KCNQ5: variants seen among roughly 807,000 people sequenced by gnomAD.
KCNQ5 encodes the protein potassium voltage-gated channel subfamily Q member 5.
A neutral mutation model predicts 98.2 loss-of-function variants in KCNQ5; 30 were observed. That is an observed-to-expected ratio of 0.31 (90% CI 0.23 to 0.41). KCNQ5 has a LOEUF of 0.41. Among genes scored for constraint, KCNQ5 ranks in the 10% least tolerant of loss-of-function variants. KCNQ5 has a pLI of 1.00. For missense variants in KCNQ5, 835 were observed against 1,182.5 expected (o/e 0.71, Z 4.31); for synonymous variants, 458 against 449.4 (o/e 1.02, Z -0.24).
At chr6:72,997,298 C>CT (rs1439851598) in intron 1 of KCNQ5, among the ~76,000 whole-genome samples, 1 of 152,086 alleles carries the variant, frequency 6.6e-6, no homozygotes, top group Non-Finnish European at 1.5e-5. Context: ...AGGGAAACCT[C>CT]TTGAACTGTT....
intron 1 of KCNQ5, among the ~76,000 whole-genome samples, chr6:72,895,161 C>T (rs1022483800): frequency 1.0e-3 from 155 of 148,504 alleles, no homozygotes; most frequent in Admixed American, 2.1e-3. Flanking sequence ...TGGTGGCGGG[C>T]GCCTGTAGTC....
intron 1 of KCNQ5, among the ~76,000 whole-genome samples, chr6:72,656,468 G>T (rs754913745): frequency 6.6e-5 from 10 of 152,076 alleles, no homozygotes; most frequent in Non-Finnish European, 1.5e-4. Context: ...ACATAGTAAA[G>T]ACAATAATCT....
chr6:72,789,146 C>T (rs1773902303), intron 1 of KCNQ5, among the ~76,000 whole-genome samples: 1 of 150,710 alleles, frequency 6.6e-6, no homozygotes, highest in African/African-American at 2.5e-5. Flanking sequence ...GGTTTTTGTT[C>T]ATGTGTATGT....
rs112322694 is a variant in KCNQ5, at chr6:72,900,519, A to T, written c.399-103389A>T. Among the ~76,000 whole-genome samples, 4 of 148,006 alleles carry T rather than the reference A, an allele frequency of 2.7e-5. 1 individual carries two copies. Among genetic ancestry groups the T allele is most frequent in the Non-Finnish European group, 5.9e-5 (4 of 67,270 alleles). On this transcript the variant is annotated intron_variant, in intron 1 of 13. Transcript: ENST00000370398. ...TACTCCATCATATATATATATATTT[A>T]TATATATACCACAGTTTCTTTATTC...
intron 1 of KCNQ5, among the ~76,000 whole-genome samples, chr6:72,860,702 T>C (rs1266170279): frequency 6.6e-6 from 1 of 152,194 alleles, no homozygotes; most frequent in East Asian, 1.9e-4. Flanking sequence ...AAAAATCTGT[T>C]CCAGAGATAC....
At chr6:72,914,126 T>C (rs1780043803) in intron 1 of KCNQ5, among the ~76,000 whole-genome samples, 1 of 152,184 alleles carries the variant, frequency 6.6e-6, no homozygotes, top group African/African-American at 2.4e-5. Context: ...CAAGGTGACA[T>C]GCTTTGGGGT....
At chr6:73,178,142 T>C (rs1778283032) in intron 11 of KCNQ5, among the ~76,000 whole-genome samples, 1 of 152,042 alleles carries the variant, frequency 6.6e-6, no homozygotes, top group African/African-American at 2.4e-5. Flanking sequence ...TTAAAATTTA[T>C]GCAAGATTTT....
intron 1 of KCNQ5, among the ~76,000 whole-genome samples, chr6:72,623,567 G>A (rs1023699028): frequency 6.6e-6 from 1 of 152,056 alleles, no homozygotes; most frequent in Non-Finnish European, 1.5e-5. Context: ...CATTCATTCA[G>A]TCTCCTATTA....
In KCNQ5 at chr6:72,733,172, T is replaced by C. The variant is rs114959472; in HGVS notation, c.398+110585T>C. 4.4e-3 allele frequency among the ~76,000 whole-genome samples: 670 copies of C among 151,882 alleles called. 5 individuals are homozygous for C. The highest frequency in any genetic ancestry group is 0.016 in the African/African-American group (642 of 41,410). ...AAGCCATGCTGTGACTAAGCCACGG[T>C]GAGTAGGGTAGGGTGAAAGGAGGAC... On this transcript the variant is annotated intron_variant, in intron 1 of 13. Coordinates refer to ENST00000370398, the MANE Select transcript of KCNQ5 (RefSeq NM_019842.4).
rs148795819 is a variant in KCNQ5, at chr6:73,133,039, C to T, written c.1248-382C>T. ...TCTAGAAATTACAAAGAGATATGCT[C>T]CCAAACAAAAAATAATTTTTTAAAT... On this transcript the variant is annotated intron_variant, in intron 9 of 13. Coordinates refer to ENST00000370398, the MANE Select transcript of KCNQ5 (RefSeq NM_019842.4). Among the ~76,000 whole-genome samples, 8 of 152,210 alleles carry T rather than the reference C, an allele frequency of 5.3e-5. No individual in the cohort carries two copies. The East Asian group carries it at 1.5e-3, about 29-fold the overall frequency.
At chr6:72,981,819 C>T (rs1245245562) in intron 1 of KCNQ5, among the ~76,000 whole-genome samples, 1 of 152,232 alleles carries the variant, frequency 6.6e-6, no homozygotes, top group Non-Finnish European at 1.5e-5. Flanking sequence ...TCCCTCTACA[C>T]ACTGCTTTAA....
At chr6:73,043,197 C>T (rs1368042719) in intron 3 of KCNQ5, 2 of 396,784 alleles carry the variant, frequency 5.0e-6, no homozygotes, top group African/African-American at 4.2e-5. Context: ...ATCCTTTATT[C>T]CATACTTCTT....
chr6:72,816,629 A>G (rs2150109708), intron 1 of KCNQ5, among the ~76,000 whole-genome samples: 1 of 152,316 alleles, frequency 6.6e-6, no homozygotes, highest in South Asian at 2.1e-4. Flanking sequence ...CACATCATAT[A>G]TCTAGATTAA....
At chr6:72,978,498 G>A (rs987832804) in intron 1 of KCNQ5, among the ~76,000 whole-genome samples, 2 of 152,178 alleles carry the variant, frequency 1.3e-5, no homozygotes, top group African/African-American at 4.8e-5. Flanking sequence ...CACACTGAAT[G>A]AGTATCTTCA....
At chr6:72,779,779 G>A (rs972991995) in intron 1 of KCNQ5, among the ~76,000 whole-genome samples, 2 of 151,334 alleles carry the variant, frequency 1.3e-5, no homozygotes, top group African/African-American at 4.9e-5. Flanking sequence ...CTAGTAGCTG[G>A]GACCACAGGC....
chr6:72,814,217 T>C (rs1340771039), intron 1 of KCNQ5, among the ~76,000 whole-genome samples: 1 of 152,188 alleles, frequency 6.6e-6, no homozygotes, highest in Non-Finnish European at 1.5e-5. Flanking sequence ...AATGAGTGCC[T>C]GCCTCTGAGA....
At chr6:72,884,981 C>T (rs1778796159) in intron 1 of KCNQ5, among the ~76,000 whole-genome samples, 5 of 152,126 alleles carry the variant, frequency 3.3e-5, no homozygotes, top group Non-Finnish European at 7.4e-5. Flanking sequence ...TTATACTCCA[C>T]TCTTCCTACA....
intron 1 of KCNQ5, among the ~76,000 whole-genome samples, chr6:72,709,032 A>G (rs1056952361): frequency 2.0e-5 from 3 of 152,286 alleles, no homozygotes; most frequent in African/African-American, 7.2e-5. Context: ...AAATTCCAAA[A>G]TAATCTAAAT....
intron 1 of KCNQ5, among the ~76,000 whole-genome samples, chr6:72,651,723 C>A (rs576178155): frequency 2.6e-5 from 4 of 152,018 alleles, no homozygotes; most frequent in African/African-American, 9.6e-5. Flanking sequence ...CTGTTGAACT[C>A]CTTAAAATGA....
Sources: gnomAD v4.1 joint callset for allele counts (sites outside exome capture counted in the v4.1 genomes callset) on GRCh38, gnomAD v4.1.1 for gene constraint, MANE v1.5 for transcripts, NCBI Gene and HGNC (gene_info 2026-07-23, HGNC 2026-07-21) for gene names.